HS3ST5: variants seen among roughly 807,000 people sequenced by gnomAD.
HS3ST5 encodes heparan sulfate-glucosamine 3-sulfotransferase 5.
A neutral mutation model predicts 25.4 loss-of-function variants in HS3ST5; 10 were observed. That is an observed-to-expected ratio of 0.39 (90% CI 0.24 to 0.67). The LOEUF is 0.67. Ranked by LOEUF, HS3ST5 falls within the 30% of genes least tolerant of loss-of-function variation. The pLI, the probability that HS3ST5 is intolerant of heterozygous loss-of-function variation, is 0.44. For synonymous variants in HS3ST5, 170 were observed against 162.4 expected (o/e 1.05, Z -0.36); for missense variants, 324 against 420.7 (o/e 0.77, Z 2.01).
intron 1 of HS3ST5, among the ~76,000 whole-genome samples, chr6:114,264,177 C>T (rs1420213408): frequency 6.6e-6 from 1 of 152,020 alleles, no homozygotes. Context: ...TGTATGATAT[C>T]CTTATATGCA....
chr6:114,251,221 A>G (rs1772644395), intron 1 of HS3ST5, among the ~76,000 whole-genome samples: 2 of 152,188 alleles, frequency 1.3e-5, no homozygotes, highest in Non-Finnish European at 2.9e-5. Context: ...TTTCCACTGT[A>G]CTTCAGCAGT....
intron 1 of HS3ST5, among the ~76,000 whole-genome samples, chr6:114,289,098 C>A (rs1774462236): frequency 1.3e-5 from 2 of 152,006 alleles, no homozygotes; most frequent in African/African-American, 4.8e-5. Flanking sequence ...TATATTTAAC[C>A]ATTTACTGCA....
At chr6:114,196,592 A>AGT in intron 2 of HS3ST5, among the ~76,000 whole-genome samples, 1 of 151,864 alleles carries the variant, frequency 6.6e-6, no homozygotes. Context: ...CTCCTTCATT[A>AGT]CTTGCCTAAA....
At chr6:114,235,153 A>C (rs1771795945) in intron 1 of HS3ST5, among the ~76,000 whole-genome samples, 2 of 152,106 alleles carry the variant, frequency 1.3e-5, no homozygotes, top group African/African-American at 2.4e-5. Context: ...AAAAGCCCCC[A>C]AAAGAAACAA....
chr6:114,330,673 T>A (rs73544448), intron 1 of HS3ST5, among the ~76,000 whole-genome samples: 9,140 of 152,232 alleles, frequency 0.06, 471 homozygotes, highest in African/African-American at 0.14. Context: ...CCTTTATACA[T>A]CAGTCTCCCT....
chr6:114,341,103 T>A (rs1275821422), intron 1 of HS3ST5, among the ~76,000 whole-genome samples: 1 of 146,206 alleles, frequency 6.8e-6, no homozygotes, highest in African/African-American at 2.5e-5. Flanking sequence ...CTCTCCCCAG[T>A]GTTTTCTAAG....
chr6:114,100,668 C>A (rs1775680406), intron 3 of HS3ST5, among the ~76,000 whole-genome samples: 1 of 152,172 alleles, frequency 6.6e-6, no homozygotes, highest in Non-Finnish European at 1.5e-5. Flanking sequence ...AATCACACGA[C>A]ATTTTCTTCA....
intron 1 of HS3ST5, among the ~76,000 whole-genome samples, chr6:114,334,321 A>AGTG (rs1776522189): frequency 6.6e-6 from 1 of 152,144 alleles, no homozygotes; most frequent in Non-Finnish European, 1.5e-5. Context: ...GCTCTTTTCC[A>AGTG]GTGCCCTCTC....
chr6:114,161,509 C>T (rs749441983), intron 3 of HS3ST5, among the ~76,000 whole-genome samples: 2 of 94,986 alleles, frequency 2.1e-5, no homozygotes, highest in African/African-American at 3.9e-5. Flanking sequence ...ACGACAGTTG[C>T]TTCCTGAAGT....
At chr6:114,084,481 T>G (rs1364869781) in intron 3 of HS3ST5, 1 of 757,808 alleles carries the variant, frequency 1.3e-6, no homozygotes, top group Non-Finnish European at 2.4e-6. Flanking sequence ...CCGCGGGTAT[T>G]CACGGGAAAT....
chr6:114,245,708 G>A (rs1322204120), intron 1 of HS3ST5, among the ~76,000 whole-genome samples: 1 of 152,164 alleles, frequency 6.6e-6, no homozygotes, highest in Non-Finnish European at 1.5e-5. Flanking sequence ...CAGGGACAGT[G>A]ACTTGTTTTC....
At chr6:114,314,120 G>C (rs1320865156) in intron 1 of HS3ST5, among the ~76,000 whole-genome samples, 1 of 152,130 alleles carries the variant, frequency 6.6e-6, no homozygotes, top group East Asian at 1.9e-4. Flanking sequence ...TAGAGATGGG[G>C]TTTCGCCATG....
At chr6:114,341,252 A>AGAGAGAGAGAGAGAGAGAGG (rs1562281441) in intron 1 of HS3ST5, among the ~76,000 whole-genome samples, 13 of 149,418 alleles carry the variant, frequency 8.7e-5, no homozygotes, top group African/African-American at 3.2e-4. Context: ...AGAGAGAGAG[A>AGAGAGAGAGAGAGAGAGAGG]GAGAGAGAGT....
intron 3 of HS3ST5, among the ~76,000 whole-genome samples, chr6:114,147,451 A>T (rs1778224945): frequency 6.6e-6 from 1 of 152,162 alleles, no homozygotes. Flanking sequence ...ACCTCACTTC[A>T]ACCATGAAGA....
intron 3 of HS3ST5, among the ~76,000 whole-genome samples, chr6:114,118,484 T>A (rs1257606360): frequency 2.0e-5 from 3 of 152,136 alleles, no homozygotes; most frequent in Non-Finnish European, 4.4e-5. Context: ...AATCTATATA[T>A]AAGAAAGCAA....
At chr6:114,340,951 C>T (rs775079049) in intron 1 of HS3ST5, among the ~76,000 whole-genome samples, 2 of 151,922 alleles carry the variant, frequency 1.3e-5, no homozygotes, top group Admixed American at 6.5e-5. Flanking sequence ...AAAGAAGGCC[C>T]ACCCACCCAC....
intron 1 of HS3ST5, among the ~76,000 whole-genome samples, chr6:114,257,365 CT>C (rs1160131861): frequency 2.0e-5 from 3 of 152,182 alleles, no homozygotes. Context: ...CAAATAGCAA[CT>C]CATTAATCCA....
At chr6:114,084,833 C>CTTTTTT (rs372362974) in intron 3 of HS3ST5, 40 of 504,100 alleles carry the variant, frequency 7.9e-5, no homozygotes, top group African/African-American at 1.3e-4. Flanking sequence ...CTTTTCTTTT[C>CTTTTTT]TTTTTTTTTT....
chr6:114,227,900 T>C (rs1292080666), intron 2 of HS3ST5, among the ~76,000 whole-genome samples: 1 of 152,098 alleles, frequency 6.6e-6, no homozygotes, highest in East Asian at 1.9e-4. Context: ...GAAAGAGAGA[T>C]AGTGACACCT....
Sources: allele counts gnomAD v4.1 joint callset (sites outside exome capture counted in the v4.1 genomes callset), GRCh38; gene constraint gnomAD v4.1.1; transcripts MANE v1.5; gene names NCBI Gene and HGNC (gene_info 2026-07-23, HGNC 2026-07-21).